Variants in AGBL4 observed in about 807,000 individuals in gnomAD.
AGBL4 encodes the protein AGBL carboxypeptidase 4.
In AGBL4, 58 loss-of-function variants were observed where a neutral mutation model predicts 66.4. The ratio of observed to expected loss-of-function variants is 0.87; its 90% CI spans 0.71 to 1.09. AGBL4 has a LOEUF of 1.09. Ranked by LOEUF, AGBL4 falls within the 50% of genes least tolerant of loss-of-function variation. The pLI, the probability that AGBL4 is intolerant of heterozygous loss-of-function variation, is 0.00. For synonymous variants in AGBL4, 234 were observed against 222.9 expected (o/e 1.05, Z -0.44); for missense variants, 579 against 631.0 (o/e 0.92, Z 0.88).
intron 6 of AGBL4, among the ~76,000 whole-genome samples, chr1:48,745,980 A>T (rs1029135667): frequency 6.6e-6 from 1 of 152,136 alleles, no homozygotes; most frequent in Non-Finnish European, 1.5e-5. Context: ...AGGAGGCTTG[A>T]GGACAGCCAA....
intron 3 of AGBL4, among the ~76,000 whole-genome samples, chr1:49,505,130 C>T (rs965062242): frequency 1.3e-5 from 2 of 152,022 alleles, no homozygotes; most frequent in African/African-American, 4.8e-5. Context: ...CACTTTCACT[C>T]CAACTCCCAT....
intron 3 of AGBL4, among the ~76,000 whole-genome samples, chr1:49,527,862 C>T (rs751438142): frequency 6.6e-6 from 1 of 152,068 alleles, no homozygotes; most frequent in Non-Finnish European, 1.5e-5. Context: ...ACTTGGGATG[C>T]AGTTATATAG....
At chr1:48,881,712 T>G (rs2148843496) in intron 5 of AGBL4, among the ~76,000 whole-genome samples, 1 of 152,262 alleles carries the variant, frequency 6.6e-6, no homozygotes, top group East Asian at 1.9e-4. Flanking sequence ...TAATGTCACT[T>G]CTCACAAGGC....
Position 49,172,868 on chromosome 1 carries a change from G to A in AGBL4, c.377+72902C>T, listed in dbSNP as rs950766629. ...AGGCTGGGCGCAGTGGCTCACGCCTGTAATCCCAGCACCGTGGGAGGCTGA... is the reference window on the plus strand; with the variant it reads ...AGGCTGGGCGCAGTGGCTCACGCCTATAATCCCAGCACCGTGGGAGGCTGA... On this transcript the variant is annotated intron_variant, in intron 4 of 13. Transcript: ENST00000371839. Among the ~76,000 whole-genome samples, 61 of 152,298 alleles carry A rather than the reference G, an allele frequency of 4.0e-4. 1 individual carries two copies. The highest frequency in any genetic ancestry group is 1.4e-3 in the African/African-American group (58 of 41,572).
the AGBL4 span, among the ~76,000 whole-genome samples, chr1:48,524,710 T>C: frequency 1.3e-5 from 2 of 152,194 alleles, no homozygotes; most frequent in Admixed American, 6.5e-5. Flanking sequence ...AACAAACTTA[T>C]GCATTTTCAC....
intron 1 of AGBL4, among the ~76,000 whole-genome samples, chr1:50,009,833 G>C (rs981189923): frequency 6.6e-6 from 1 of 152,180 alleles, no homozygotes; most frequent in African/African-American, 2.4e-5. Context: ...ACAAATATCA[G>C]TAGCATTTCT....
At position 48,996,975 on chromosome 1, in the gene AGBL4, T is replaced by C. The variant is rs952141284; in HGVS notation, c.594+48609A>G. The stretch of plus-strand genomic sequence containing the variant: ...TCTTGCTCTGTCACACAGCCTGGAG[T>C]GCAATGGTGCAATCTCAGCCCACTA... On this transcript the variant is annotated intron_variant, in intron 5 of 13. Coordinates refer to ENST00000371839, the MANE Select transcript of AGBL4 (RefSeq NM_032785.4). Among the ~76,000 whole-genome samples the C allele has an allele frequency of 2.6e-5, 4 of 152,068 alleles. No individual in the cohort carries two copies. In the East Asian group the frequency reaches 7.7e-4, roughly 29 times the overall value.
intron 1 of AGBL4, among the ~76,000 whole-genome samples, chr1:50,019,702 A>G (rs1455355912): frequency 2.0e-5 from 3 of 152,092 alleles, no homozygotes; most frequent in Non-Finnish European, 4.4e-5. Context: ...CTTCCACAGA[A>G]TAACTTGACA....
chr1:49,802,612 C>T (rs1405363244), intron 2 of AGBL4, among the ~76,000 whole-genome samples: 1 of 152,064 alleles, frequency 6.6e-6, no homozygotes, highest in African/African-American at 2.4e-5. Context: ...CCCCATGTGA[C>T]CATCTCACCT....
intron 4 of AGBL4, among the ~76,000 whole-genome samples, chr1:49,207,158 C>T (rs988601508): frequency 4.6e-5 from 7 of 152,062 alleles, no homozygotes; most frequent in Non-Finnish European, 8.8e-5. Context: ...TGGGCAGGAG[C>T]GAACTATAAT....
At chr1:49,352,438 C>T (rs965798067) in intron 3 of AGBL4, among the ~76,000 whole-genome samples, 1 of 127,240 alleles carries the variant, frequency 7.9e-6, no homozygotes, top group Non-Finnish European at 1.6e-5. Context: ...AGGAGAAAAA[C>T]CTCGGCAGTG....
intron 1 of AGBL4, among the ~76,000 whole-genome samples, chr1:49,869,522 C>A (rs1004624782): frequency 6.6e-6 from 1 of 152,152 alleles, no homozygotes; most frequent in Non-Finnish European, 1.5e-5. Flanking sequence ...CATGTTCTCA[C>A]TTACAAGTGG....
chr1:49,775,469 C>A (rs1644172182), intron 2 of AGBL4, among the ~76,000 whole-genome samples: 1 of 151,766 alleles, frequency 6.6e-6, no homozygotes, highest in African/African-American at 2.4e-5. Context: ...CAAGTATGTA[C>A]AATTAAATAT....
intron 3 of AGBL4, among the ~76,000 whole-genome samples, chr1:49,596,729 G>C (rs1476285394): frequency 6.6e-6 from 1 of 152,198 alleles, no homozygotes; most frequent in African/African-American, 2.4e-5. Context: ...TACAGCAAAT[G>C]TTAACAGATG....
chr1:50,013,796 A>G (rs760456346), intron 1 of AGBL4, among the ~76,000 whole-genome samples: 1 of 152,212 alleles, frequency 6.6e-6, no homozygotes, highest in Non-Finnish European at 1.5e-5. Flanking sequence ...ACTGGAGAAG[A>G]TCTTTAAACA....
At chr1:48,699,771 C>T (rs555762402) in intron 6 of AGBL4, among the ~76,000 whole-genome samples, 31 of 152,216 alleles carry the variant, frequency 2.0e-4, no homozygotes, top group African/African-American at 7.0e-4. Flanking sequence ...GCTTCCTTCC[C>T]GTTTCTATCT....
chr1:49,605,062 A>C (rs1645038099), intron 3 of AGBL4, among the ~76,000 whole-genome samples: 1 of 152,270 alleles, frequency 6.6e-6, no homozygotes, highest in Non-Finnish European at 1.5e-5. Flanking sequence ...AAGATATTTT[A>C]TCTCTACATT....
At chr1:49,175,604 C>A (rs1646816334) in intron 4 of AGBL4, among the ~76,000 whole-genome samples, 1 of 152,052 alleles carries the variant, frequency 6.6e-6, no homozygotes, top group Admixed American at 6.5e-5. Flanking sequence ...CAGGTGTTTT[C>A]TAAAGTGATT....
intron 3 of AGBL4, among the ~76,000 whole-genome samples, chr1:49,677,060 A>C (rs1330038907): frequency 6.6e-6 from 1 of 151,912 alleles, no homozygotes; most frequent in African/African-American, 2.4e-5. Context: ...CTTTTAGACC[A>C]AGTTCAATAG....
Sources: allele counts gnomAD v4.1 joint callset (sites outside exome capture counted in the v4.1 genomes callset), GRCh38; gene constraint gnomAD v4.1.1; transcripts MANE v1.5; gene names NCBI Gene and HGNC (gene_info 2026-07-23, HGNC 2026-07-21).